Variants in REDIC1 observed in about 807,000 individuals in gnomAD.
REDIC1 encodes the protein regulator of DNA class I crossover intermediates 1.
the REDIC1 span, among the ~76,000 whole-genome samples, chr12:39,672,511 G>C: frequency 6.6e-6 from 1 of 152,140 alleles, no homozygotes; most frequent in South Asian, 2.1e-4. Context: ...GCAGTTGACG[G>C]GGAGAACCTA....
the REDIC1 span, among the ~76,000 whole-genome samples, chr12:39,718,309 T>A: frequency 6.6e-6 from 1 of 152,086 alleles, no homozygotes; most frequent in Non-Finnish European, 1.5e-5. Flanking sequence ...TAAACTATTT[T>A]GATGCCTTCG....
At chr12:39,650,106 C>A in the REDIC1 span, 1 of 976,580 alleles carries the variant, frequency 1.0e-6, no homozygotes, top group Non-Finnish European at 1.4e-6. This position sits in a 1 kb window ranked among gnomAD's most constrained non-coding sequence, Gnocchi z 4.3. Flanking sequence ...AGTAAAATTA[C>A]TTTATTTTGG....
chr12:39,907,217 G>T, the REDIC1 span, among the ~76,000 whole-genome samples: 2 of 152,200 alleles, frequency 1.3e-5, no homozygotes, highest in South Asian at 2.1e-4. Flanking sequence ...TACAAGTAGA[G>T]ATTTGTATTT....
chr12:39,896,074 A>G, the REDIC1 span, among the ~76,000 whole-genome samples: 2 of 18,532 alleles, frequency 1.1e-4, no homozygotes. Flanking sequence ...ATATATGTAT[A>G]CACGTGTACA....
At chr12:39,866,166 A>G in the REDIC1 span, among the ~76,000 whole-genome samples, 2 of 152,248 alleles carry the variant, frequency 1.3e-5, no homozygotes, top group East Asian at 3.8e-4. Context: ...AATTTAAATT[A>G]TGAACAAAAA....
chr12:39,808,206 A>G, the REDIC1 span, among the ~76,000 whole-genome samples: 3 of 152,256 alleles, frequency 2.0e-5, no homozygotes, highest in South Asian at 6.2e-4. Context: ...TGTACAGTAT[A>G]TATTGTTTTG....
chr12:39,847,086 C>T, the REDIC1 span, among the ~76,000 whole-genome samples: 1 of 152,152 alleles, frequency 6.6e-6, no homozygotes, highest in African/African-American at 2.4e-5. Flanking sequence ...AAGACAACCA[C>T]ATTTCTTGTC....
the REDIC1 span, among the ~76,000 whole-genome samples, chr12:39,849,181 A>T: frequency 0.7 from 106,297 of 151,534 alleles, 37,728 homozygotes; most frequent in African/African-American, 0.79. Flanking sequence ...ATAAAGATTT[A>T]AAAAAAAATT....
chr12:39,869,473 T>C, the REDIC1 span, among the ~76,000 whole-genome samples: 2 of 152,180 alleles, frequency 1.3e-5, no homozygotes, highest in Non-Finnish European at 2.9e-5. Flanking sequence ...ATTGGCCACA[T>C]AATAAGGAAA....
chr12:39,713,299 CACACACATACGTGTATATATGTGTAT>C, the REDIC1 span, among the ~76,000 whole-genome samples: 72 of 19,302 alleles, frequency 3.7e-3, no homozygotes, highest in Non-Finnish European at 5.8e-3. Context: ...TATATGTGTA[CACACACATACGTGTATATATGTGTAT>C]ACACATATAC....
At chr12:39,629,109 C>A in the REDIC1 span, among the ~76,000 whole-genome samples, 1 of 152,078 alleles carries the variant, frequency 6.6e-6, no homozygotes, top group Non-Finnish European at 1.5e-5. Flanking sequence ...AAATAGTGCA[C>A]AGAGCAAGCA....
the REDIC1 span, among the ~76,000 whole-genome samples, chr12:39,748,100 G>A: frequency 8.7e-5 from 13 of 150,166 alleles, no homozygotes; most frequent in African/African-American, 2.4e-4. Context: ...ATGTAAATGG[G>A]CTAAATGCTC....
chr12:39,821,078 GTACTATTA>G, the REDIC1 span, among the ~76,000 whole-genome samples: 1 of 151,876 alleles, frequency 6.6e-6, no homozygotes, highest in Admixed American at 6.6e-5. Flanking sequence ...TCACTGCCCT[GTACTATTA>G]TTTGTTCAAT....
At chr12:39,724,280 G>A in the REDIC1 span, among the ~76,000 whole-genome samples, 25 of 152,218 alleles carry the variant, frequency 1.6e-4, no homozygotes, top group Middle Eastern at 3.4e-3. Context: ...GATATTGGTT[G>A]GGAACTGGTT....
the REDIC1 span, among the ~76,000 whole-genome samples, chr12:39,644,982 T>C: frequency 5.5e-4 from 84 of 152,050 alleles, no homozygotes; most frequent in South Asian, 3.1e-3. Context: ...AGAAGTATGA[T>C]TGGATTTTTA....
the REDIC1 span, among the ~76,000 whole-genome samples, chr12:39,748,547 C>G: frequency 2.0e-5 from 3 of 152,210 alleles, no homozygotes; most frequent in Admixed American, 2.0e-4. Flanking sequence ...AGGAATTGAA[C>G]TCAGCTCTGC....
chr12:39,806,087 A>G, the REDIC1 span, among the ~76,000 whole-genome samples: 4 of 152,238 alleles, frequency 2.6e-5, no homozygotes, highest in African/African-American at 7.2e-5. Flanking sequence ...GATTATTTAA[A>G]ATCACAAAAT....
the REDIC1 span, among the ~76,000 whole-genome samples, chr12:39,841,858 C>G: frequency 6.6e-6 from 1 of 151,868 alleles, no homozygotes; most frequent in East Asian, 1.9e-4. Flanking sequence ...GCAAACAGAC[C>G]AAGTAAGTCG....
the REDIC1 span, among the ~76,000 whole-genome samples, chr12:39,753,906 G>C: frequency 6.6e-6 from 1 of 152,156 alleles, no homozygotes; most frequent in Non-Finnish European, 1.5e-5. Flanking sequence ...AAGTTGAAAA[G>C]CTGGGATTCA....
Sources: allele counts gnomAD v4.1 joint callset (sites outside exome capture counted in the v4.1 genomes callset), GRCh38; gene constraint gnomAD v4.1.1; non-coding constraint Gnocchi (gnomAD v3.1); transcripts MANE v1.5; gene names NCBI Gene and HGNC (gene_info 2026-07-23, HGNC 2026-07-21).